AVEN: variants seen among roughly 807,000 people sequenced by gnomAD.
The protein encoded by AVEN is apoptosis and caspase activation inhibitor.
AVEN carries 41 observed loss-of-function variants against 38.1 expected under a neutral mutation model. The observed-to-expected ratio is 1.08, with a 90% CI of 0.84 to 1.40. The LOEUF (loss-of-function observed/expected upper bound fraction) is 1.40, where lower values mean the gene tolerates loss of function less well. AVEN is among the 40% of genes most tolerant of loss of function. The pLI, the probability that AVEN is intolerant of heterozygous loss-of-function variation, is 0.00. For synonymous variants in AVEN, 206 were observed against 171.8 expected (o/e 1.20, Z -1.56); for missense variants, 605 against 438.8 (o/e 1.38, Z -3.38).
chr15:34,041,210 T>G (rs187574316), upstream of AVEN, among the ~76,000 whole-genome samples: 1 of 152,222 alleles, frequency 6.6e-6, no homozygotes, highest in Admixed American at 6.5e-5. Flanking sequence ...TCCCCCTCAT[T>G]AAGACAACCA....
At chr15:33,952,460 T>C (rs1382864744) in intron 2 of AVEN, among the ~76,000 whole-genome samples, 1 of 152,214 alleles carries the variant, frequency 6.6e-6, no homozygotes, top group Non-Finnish European at 1.5e-5. Flanking sequence ...TCTCATCCAC[T>C]GTAATTTCAG....
chr15:33,872,069 C>T (rs1430377356), intron 3 of AVEN, among the ~76,000 whole-genome samples: 2 of 152,170 alleles, frequency 1.3e-5, no homozygotes, highest in African/African-American at 2.4e-5. Flanking sequence ...GCCTGGCCTA[C>T]GACATCTGGC....
At chr15:33,866,800 ATTAC>A in intron 5 of AVEN, 72 bp from the exon 6 acceptor site, 1 of 1,077,234 alleles carries the variant, frequency 9.3e-7, no homozygotes, top group African/African-American at 1.6e-5. Flanking sequence ...AGCCCAATTT[ATTAC>A]TTTCCTTACA....
chr15:33,875,846 C>CTATCTCAAGAACGTAAAAGG, intron 3 of AVEN, 79 bp downstream of exon 3: 1 of 1,334,194 alleles, frequency 7.5e-7, no homozygotes, highest in South Asian at 1.2e-5. Context: ...CATGAAGACT[C>CTATCTCAAGAACGTAAAAGG]TATCTCAAGA....
chr15:34,055,829 TAAAC>T (rs935074559), intron 5 of AVEN, among the ~76,000 whole-genome samples: 11 of 152,140 alleles, frequency 7.2e-5, no homozygotes, highest in African/African-American at 1.2e-4. Flanking sequence ...TAAATAAAAA[TAAAC>T]AAATAAATAA....
rs1567384206 is a variant in AVEN at position 33,867,647 on chromosome 15, G to A, written c.821C>T (p.Pro274Leu). The A allele has an allele frequency of 1.2e-6, 2 of 1,614,180 alleles. No individual in the cohort carries two copies. Among genetic ancestry groups the A allele is most frequent in the Non-Finnish European group, 1.7e-6 (2 of 1,180,030 alleles). ...CAAATGGTCTCCTGCTGACTGCAGT[G>A]GGGAAGTGGGTTTCTGAGAATCCCT... ...PSRDSQKPTS[P>L]LQSAGDHLEE... The change falls in exon 5 of 6, where the codon CCA becomes CTA. Residue 274 changes from proline (P) to leucine (L), a missense_variant. Transcript: ENST00000306730.
At chr15:34,005,165 A>C (rs530572311) in intron 1 of AVEN, among the ~76,000 whole-genome samples, 1 of 152,202 alleles carries the variant, frequency 6.6e-6, no homozygotes, top group Non-Finnish European at 1.5e-5. Flanking sequence ...CTTTTTGGTC[A>C]CTAGATTTTT....
intron 2 of AVEN, among the ~76,000 whole-genome samples, chr15:33,963,978 A>G (rs1895295019): frequency 6.6e-6 from 1 of 151,956 alleles, no homozygotes; most frequent in Non-Finnish European, 1.5e-5. Context: ...TAGAAATCTA[A>G]AAGACTCCAG....
At chr15:33,920,964 C>T (rs943221025) in intron 2 of AVEN, among the ~76,000 whole-genome samples, 4 of 152,120 alleles carry the variant, frequency 2.6e-5, no homozygotes, top group African/African-American at 4.8e-5. Context: ...TTGGTAGAGA[C>T]GGGTTTCCAC....
rs571673063 is a variant in AVEN, at chr15:34,061,742, G to A, written n.1637+1180C>T. ...GCAAATAGTTCAGGAACAGAGAGAAGGTCCTTATCTTCAGCAGCTGGGGCA... is the reference window on the plus strand; with the variant it reads ...GCAAATAGTTCAGGAACAGAGAGAAAGTCCTTATCTTCAGCAGCTGGGGCA... On this transcript the variant is annotated intron_variant and non_coding_transcript_variant, in intron 5 of 11. Coordinates refer to the AVEN transcript ENST00000675287. Among the ~76,000 whole-genome samples the A allele has an allele frequency of 2.1e-3, 326 of 152,244 alleles. 1 individual carries two copies. Among genetic ancestry groups the A allele is most frequent in the African/African-American group, 7.4e-3 (307 of 41,544 alleles).
At chr15:33,883,931 G>C (rs1248228849) in intron 2 of AVEN, among the ~76,000 whole-genome samples, 3 of 152,146 alleles carry the variant, frequency 2.0e-5, no homozygotes, top group Non-Finnish European at 4.4e-5. Flanking sequence ...AAGAACCTTA[G>C]CTCTAGAAAG....
chr15:34,027,705 G>A (rs796930994), intron 1 of AVEN, among the ~76,000 whole-genome samples: 10 of 151,630 alleles, frequency 6.6e-5, no homozygotes, highest in African/African-American at 2.4e-4. Flanking sequence ...AGGCCTTGAC[G>A]TTATCCACCA....
intron 2 of AVEN, among the ~76,000 whole-genome samples, chr15:33,961,737 C>T (rs915810141): frequency 1.1e-4 from 15 of 142,328 alleles, no homozygotes; most frequent in South Asian, 4.5e-4. Context: ...GGCGTGAACC[C>T]GGGAGGCGGA....
intron 2 of AVEN, among the ~76,000 whole-genome samples, chr15:33,966,745 C>A (rs1895402013): frequency 6.6e-6 from 1 of 152,082 alleles, no homozygotes; most frequent in South Asian, 2.1e-4. Context: ...TTTTCAGGAC[C>A]TCATGCTATT....
At chr15:33,860,080 G>C (rs973874006) in intron 11 of AVEN, among the ~76,000 whole-genome samples, 1 of 151,882 alleles carries the variant, frequency 6.6e-6, no homozygotes, top group Non-Finnish European at 1.5e-5. Flanking sequence ...GAGCAGAGGA[G>C]CTGGACAGTG....
At chr15:33,996,583 A>G (rs949441096) in intron 2 of AVEN, among the ~76,000 whole-genome samples, 17 of 152,348 alleles carry the variant, frequency 1.1e-4, no homozygotes, top group African/African-American at 3.6e-4. Context: ...TGGACCTCCC[A>G]CAAACTCCAA....
intron 2 of AVEN, among the ~76,000 whole-genome samples, chr15:33,946,551 G>C (rs569249419): frequency 3.3e-5 from 5 of 152,218 alleles, no homozygotes; most frequent in African/African-American, 1.2e-4. Context: ...ATTCTATTGG[G>C]GAACCACAAG....
intron 5 of AVEN, among the ~76,000 whole-genome samples, chr15:34,052,675 A>T (rs1366471525): frequency 6.6e-6 from 1 of 152,204 alleles, no homozygotes; most frequent in African/African-American, 2.4e-5. Flanking sequence ...ATGTGCAAAA[A>T]TTGCTAGCAT....
rs768500874 is a variant in AVEN, at chr15:34,063,341, C to A, written n.1218G>T. The A allele has an allele frequency of 1.9e-6, 3 of 1,614,182 alleles. No homozygotes were observed. The highest frequency in any genetic ancestry group is 2.5e-6 in the Non-Finnish European group (3 of 1,180,046). ...CTGCCTTCTACATCCCTGTTTCTGT[C>A]ATGACCATCCTCTACTGTCGAATCT... On this transcript the variant is annotated non_coding_transcript_exon_variant, in exon 5 of 12. Transcript: ENST00000675287. This position sits in a 1 kb window ranked among gnomAD's most constrained non-coding sequence, Gnocchi z 4.1.
Sources: gnomAD v4.1 joint callset for allele counts (sites outside exome capture counted in the v4.1 genomes callset) on GRCh38, gnomAD v4.1.1 for gene constraint, Gnocchi (gnomAD v3.1) non-coding constraint, MANE v1.5 for transcripts, NCBI Gene and HGNC (gene_info 2026-07-23, HGNC 2026-07-21) for gene names.